The following STK3 variants were observed in gnomAD, a reference collection of about 807,000 sequenced individuals.
STK3 encodes the protein serine/threonine kinase 3.
In STK3, 41 loss-of-function variants were observed where a neutral mutation model predicts 58.0. The ratio of observed to expected loss-of-function variants is 0.71; its 90% CI spans 0.55 to 0.92. The LOEUF (loss-of-function observed/expected upper bound fraction) is 0.92, where lower values mean the gene tolerates loss of function less well. Ranked by LOEUF, STK3 falls within the 40% of genes least tolerant of loss-of-function variation. The pLI is 0.00. For synonymous variants in STK3, 170 were observed against 191.0 expected, an observed-to-expected ratio of 0.89 and a Z score of 0.91; for missense variants, 479 against 602.7, an observed-to-expected ratio of 0.79 and a Z score of 2.15.
intron 3 of STK3, among the ~76,000 whole-genome samples, chr8:98,846,660 C>T (rs960004646): frequency 1.3e-5 from 2 of 152,014 alleles, no homozygotes; most frequent in African/African-American, 4.8e-5. Context: ...TTTTCCTCCC[C>T]CAAAGCCCTA....
chr8:98,902,624 C>A (rs1295026804), intron 1 of STK3, among the ~76,000 whole-genome samples: 1 of 152,206 alleles, frequency 6.6e-6, no homozygotes, highest in Non-Finnish European at 1.5e-5. Flanking sequence ...CTGGCCCAAG[C>A]CTTCTCTTCT....
At chr8:98,840,459 C>T (rs1000338757) in intron 3 of STK3, among the ~76,000 whole-genome samples, 2 of 147,954 alleles carry the variant, frequency 1.4e-5, no homozygotes, top group Non-Finnish European at 3.0e-5. Flanking sequence ...GTAGTCTCAG[C>T]TACTCAGGAG....
At chr8:98,427,623 C>G (rs552856713) in intron 3 of STK3, 15 of 174,068 alleles carry the variant, frequency 8.6e-5, no homozygotes, top group Non-Finnish European at 1.3e-4. Context: ...CTGCGGCGAG[C>G]GGGCGGGGGC....
intron 1 of STK3, among the ~76,000 whole-genome samples, chr8:98,441,529 G>A (rs555476302): frequency 1.3e-5 from 2 of 152,242 alleles, no homozygotes; most frequent in Non-Finnish European, 2.9e-5. Flanking sequence ...TAGCCCCCTC[G>A]TTTCTGGCTC....
chr8:98,825,980 C>G (rs867432733), upstream of STK3, among the ~76,000 whole-genome samples: 1 of 149,684 alleles, frequency 6.7e-6, no homozygotes, highest in Non-Finnish European at 1.5e-5. Context: ...CGGGCGGGGC[C>G]GGTGCCGCGG....
At chr8:98,521,544 T>G (rs768114452) in intron 10 of STK3, among the ~76,000 whole-genome samples, 4 of 152,136 alleles carry the variant, frequency 2.6e-5, no homozygotes, top group Admixed American at 6.6e-5. Context: ...TTAATATTCT[T>G]AAGATACTTT....
At chr8:98,838,985 G>GTT (rs1369045266) in intron 3 of STK3, among the ~76,000 whole-genome samples, 1 of 130,912 alleles carries the variant, frequency 7.6e-6, no homozygotes, top group Non-Finnish European at 1.7e-5. Flanking sequence ...TTGTTTGTTT[G>GTT]TTTTGTGTGT....
rs373744637 is a variant in STK3, at chr8:98,580,661, C to T, written c.823-872G>A. ...AGGGGCTTGCTCTGTTGCCCAGATG[C>T]GAGCACAATGGTGCAATCATGGCTC... On this transcript the variant is annotated intron_variant, in intron 7 of 10. Transcript: ENST00000419617. Among the ~76,000 whole-genome samples, 11 of 152,258 alleles carry T rather than the reference C, an allele frequency of 7.2e-5. No individual in the cohort carries two copies. The East Asian group carries it at 1.7e-3, about 24-fold the overall frequency.
At chr8:98,853,483 C>T (rs1206663767) in intron 3 of STK3, among the ~76,000 whole-genome samples, 1 of 152,170 alleles carries the variant, frequency 6.6e-6, no homozygotes, top group Non-Finnish European at 1.5e-5. Context: ...CTTTGCACAC[C>T]TCCTCGTTCT....
rs141435206 is a variant in STK3 at position 98,478,889 on chromosome 8, A to G, written c.1318-22889T>C. On this transcript the variant is annotated intron_variant, in intron 10 of 10. Coordinates refer to ENST00000419617, the MANE Select transcript of STK3 (RefSeq NM_006281.4). ...CTTTCTCTATCTGCTCTTATACACT[A>G]TATTTACGAGCTTCTGTCGTTATCT... Among the ~76,000 whole-genome samples, 27 of 152,210 alleles carry G rather than the reference A, an allele frequency of 1.8e-4. No homozygotes were observed. In the East Asian group the frequency reaches 5.0e-3, roughly 28 times the overall value.
chr8:98,588,598 G>GT (rs1435381577), intron 7 of STK3, among the ~76,000 whole-genome samples: 1 of 152,110 alleles, frequency 6.6e-6, no homozygotes, highest in Non-Finnish European at 1.5e-5. Context: ...TTCTCGAGGA[G>GT]TATCTTTATG....
the STK3 span, among the ~76,000 whole-genome samples, chr8:98,347,253 G>A: frequency 3.9e-5 from 6 of 152,000 alleles, no homozygotes; most frequent in African/African-American, 1.5e-4. Flanking sequence ...GGTGGCTCAC[G>A]CTTGTAATCC....
At chr8:98,352,032 G>C in the STK3 span, among the ~76,000 whole-genome samples, 1 of 151,640 alleles carries the variant, frequency 6.6e-6, no homozygotes, top group African/African-American at 2.4e-5. Flanking sequence ...AGCTACCTGG[G>C]AGGCTGAGGC....
rs1252402984 is a variant in STK3, at chr8:98,575,391, T to C, written c.948+4273A>G. 2.4e-4 allele frequency among the ~76,000 whole-genome samples: 37 copies of C among 151,342 alleles called. No homozygotes were observed. In the Admixed American group the frequency reaches 2.4e-3, roughly 10 times the overall value. On this transcript the variant is annotated intron_variant, in intron 8 of 10. Transcript: ENST00000419617. ...AACTTCATATACAAAAAATTAACCA[T>C]TTTAAAGTATACAAATCAGTGGCAC...
intron 1 of STK3, among the ~76,000 whole-genome samples, chr8:98,823,315 T>C (rs1446255222): frequency 6.6e-6 from 1 of 152,158 alleles, no homozygotes; most frequent in Non-Finnish European, 1.5e-5. Context: ...ACTAAGGAAG[T>C]GTTATTCAAG....
Position 98,793,340 on chromosome 8 carries a change from T to G in STK3, c.27-18521A>C. On this transcript the variant is annotated intron_variant, in intron 1 of 10. Coordinates refer to ENST00000419617, the MANE Select transcript of STK3 (RefSeq NM_006281.4). ...ATAACTTATGGAAATTAAAAAAAAA[T>G]TTTAATAAAAAAATGGAGAAACCCC... Among the ~76,000 whole-genome samples the G allele has an allele frequency of 2.0e-5, 3 of 151,752 alleles. No homozygotes were observed. The Middle Eastern group carries it at 0.01, about 516-fold the overall frequency.
chr8:98,830,071 A>G (rs935031487), upstream of STK3, among the ~76,000 whole-genome samples: 9 of 152,256 alleles, frequency 5.9e-5, no homozygotes, highest in Admixed American at 5.9e-4. Flanking sequence ...TACTAAAAAA[A>G]TACAAAAATT....
chr8:98,728,534 T>A (rs1443203742), intron 4 of STK3, among the ~76,000 whole-genome samples: 2 of 152,154 alleles, frequency 1.3e-5, no homozygotes, highest in Admixed American at 6.6e-5. Flanking sequence ...TATAATCCCT[T>A]GATCTGCAGA....
At chr8:98,767,517 T>G in intron 2 of STK3, 146 bp from the exon 3 acceptor site, 1 of 777,936 alleles carries the variant, frequency 1.3e-6, no homozygotes, top group Non-Finnish European at 1.9e-6. Flanking sequence ...AAGTAACAAT[T>G]TTAAAAGGTA....
Sources: allele counts gnomAD v4.1 joint callset (sites outside exome capture counted in the v4.1 genomes callset), GRCh38; gene constraint gnomAD v4.1.1; transcripts MANE v1.5; gene names NCBI Gene and HGNC (gene_info 2026-07-23, HGNC 2026-07-21).